Variants in SPIN1 observed in about 807,000 individuals in gnomAD.
SPIN1 encodes the protein spindlin 1, also known as spindlin-1.
A neutral mutation model predicts 26.0 loss-of-function variants in SPIN1; 3 were observed. The ratio of observed to expected loss-of-function variants is 0.12; its 90% CI spans 0.05 to 0.30. The LOEUF (loss-of-function observed/expected upper bound fraction) is 0.30. Among genes scored for constraint, SPIN1 ranks in the 10% least tolerant of loss-of-function variants. SPIN1 has a pLI of 1.00. For synonymous variants in SPIN1, 101 were observed against 116.5 expected (o/e 0.87, Z 0.86); for missense variants, 126 against 333.4 (o/e 0.38, Z 4.84).
chr9:88,469,805 A>G (rs534755962), intron 5 of SPIN1, among the ~76,000 whole-genome samples: 6 of 152,156 alleles, frequency 3.9e-5, no homozygotes, highest in South Asian at 4.1e-4. Context: ...AAGTGTTAGG[A>G]TTACAGGTGT....
At chr9:88,443,934 A>G (rs1828190903) in intron 2 of SPIN1, among the ~76,000 whole-genome samples, 1 of 119,294 alleles carries the variant, frequency 8.4e-6, no homozygotes, top group East Asian at 2.0e-4. Flanking sequence ...AGACCTGCCC[A>G]TGCTGACTAG....
intron 1 of SPIN1, among the ~76,000 whole-genome samples, chr9:88,401,507 C>G (rs1204498409): frequency 6.6e-6 from 1 of 152,138 alleles, no homozygotes; most frequent in African/African-American, 2.4e-5. Context: ...GTAGTATTTG[C>G]ATATAATCTA....
chr9:88,405,703 A>G (rs1020090920), intron 1 of SPIN1, among the ~76,000 whole-genome samples: 6 of 151,730 alleles, frequency 4.0e-5, no homozygotes, highest in African/African-American at 1.5e-4. Flanking sequence ...GCCACTGCCC[A>G]GCCTGTACTA....
intron 3 of SPIN1, among the ~76,000 whole-genome samples, chr9:88,456,486 A>G (rs756199224): frequency 2.0e-5 from 3 of 152,182 alleles, no homozygotes; most frequent in Admixed American, 6.5e-5. Flanking sequence ...ACAGTTACCA[A>G]ATATTAAAAG....
At chr9:88,420,944 G>A (rs1038472398) in intron 1 of SPIN1, among the ~76,000 whole-genome samples, 3 of 152,140 alleles carry the variant, frequency 2.0e-5, no homozygotes, top group Admixed American at 6.5e-5. Flanking sequence ...GTCTGTACAC[G>A]TAGCCTCTGC....
At chr9:88,468,645 A>G in intron 5 of SPIN1, 40 bp downstream of exon 5, 2 of 1,278,050 alleles carry the variant, frequency 1.6e-6, no homozygotes, top group Non-Finnish European at 2.1e-6. Context: ...GATAATTAGA[A>G]GGGATTTGGA....
intron 5 of SPIN1, among the ~76,000 whole-genome samples, chr9:88,472,931 A>G (rs929631870): frequency 1.3e-5 from 2 of 152,208 alleles, no homozygotes; most frequent in South Asian, 2.1e-4. Context: ...CTTCAAACAC[A>G]TGAATCTCTG....
chr9:88,422,160 C>T (rs1564028337), intron 1 of SPIN1, among the ~76,000 whole-genome samples: 1 of 152,164 alleles, frequency 6.6e-6, no homozygotes, highest in Non-Finnish European at 1.5e-5. Flanking sequence ...AGCAACCTTT[C>T]TCTTGATAGT....
At chr9:88,459,431 CTT>C (rs1003715223) in intron 3 of SPIN1, among the ~76,000 whole-genome samples, 2 of 152,022 alleles carry the variant, frequency 1.3e-5, no homozygotes, top group Non-Finnish European at 2.9e-5. Flanking sequence ...AAGTTACAGA[CTT>C]TTTGTTTATT....
chr9:88,475,447 A>G lies in SPIN1; in HGVS notation c.*170A>G, dbSNP rs534096125. ...AATAGTACAGATTGATGTGAACACAAAGCATTTTGTGTAAGGAGAACCCCT... is the reference window on the plus strand; with the variant it reads ...AATAGTACAGATTGATGTGAACACAGAGCATTTTGTGTAAGGAGAACCCCT... On this transcript the variant is annotated 3_prime_UTR_variant, in exon 6 of 6. Transcript: ENST00000375859. 9.3e-4 allele frequency: 522 copies of G among 561,274 alleles called. No individual in the cohort carries two copies. Among genetic ancestry groups the G allele is most frequent in the Admixed American group, 1.3e-3 (35 of 27,110 alleles). 34.8% of individuals were successfully genotyped at this position (561,274 alleles called of 1,614,324 possible).
intron 1 of SPIN1, among the ~76,000 whole-genome samples, chr9:88,407,214 T>C (rs1332477169): frequency 6.6e-6 from 1 of 151,136 alleles, no homozygotes; most frequent in Non-Finnish European, 1.5e-5. Context: ...CTTGGCTCAC[T>C]GCAACCCCTG....
At chr9:88,427,744 G>A (rs994666538) in intron 2 of SPIN1, among the ~76,000 whole-genome samples, 7 of 152,070 alleles carry the variant, frequency 4.6e-5, no homozygotes, top group African/African-American at 1.4e-4. Flanking sequence ...TTACAGGCAT[G>A]AGCCACCCTG....
At chr9:88,471,893 C>T (rs887480973) in intron 5 of SPIN1, among the ~76,000 whole-genome samples, 2 of 151,828 alleles carry the variant, frequency 1.3e-5, no homozygotes, top group African/African-American at 2.4e-5. Context: ...TATAGTGGCA[C>T]GATCTCGGCT....
At chr9:88,409,095 A>G (rs1827380402) in intron 1 of SPIN1, among the ~76,000 whole-genome samples, 1 of 151,432 alleles carries the variant, frequency 6.6e-6, no homozygotes, top group Non-Finnish European at 1.5e-5. Context: ...TCCTGGGTTC[A>G]AGAGATTCTC....
rs1554698801 is a variant in SPIN1, at chr9:88,475,035, T to TC, written c.590-43_590-42insC. On this transcript the variant is annotated intron_variant, in intron 5 of 5. Transcript: ENST00000375859. ...ATATCTAAAAATTGACTTAGAAATT[T>TC]TCTCTCTCTCTCTTTTTTTTTTTTT... is the stretch of plus-strand genomic sequence containing the variant. The TC allele has an allele frequency of 2.2e-6, 3 of 1,341,884 alleles. No homozygotes were observed. In the South Asian group the frequency reaches 5.0e-5, roughly 22 times the overall value. 83.1% of individuals were successfully genotyped at this position (1,341,884 alleles called of 1,614,324 possible).
rs1405747603 is a variant in SPIN1, at chr9:88,478,491, A to G, written c.*3214A>G. The G allele has an allele frequency of 6.6e-6, 1 of 152,648 alleles. No individual in the cohort carries two copies. The highest frequency in any genetic ancestry group is 2.4e-5 in the African/African-American group (1 of 41,464). The allele number at this position is 152,648 out of a possible 1,614,324, so 9.5% of individuals were successfully genotyped here. ...TCAGAGGTCTTCGTGTTCACATTTT[A>G]AAATTAGGTAAATGACCTCATCTTT... is the stretch of plus-strand genomic sequence containing the variant. On this transcript the variant is annotated 3_prime_UTR_variant, in exon 6 of 6. Transcript: ENST00000375859.
At chr9:88,414,732 T>G (rs576593977) in intron 1 of SPIN1, among the ~76,000 whole-genome samples, 80 of 152,296 alleles carry the variant, frequency 5.3e-4, no homozygotes, top group Non-Finnish European at 9.6e-4. Flanking sequence ...ATACTGTGGT[T>G]TGTTGCACGC....
At chr9:88,388,933 C>T (rs979751650) in intron 1 of SPIN1, among the ~76,000 whole-genome samples, 1 of 138,334 alleles carries the variant, frequency 7.2e-6, no homozygotes, top group African/African-American at 2.6e-5. Flanking sequence ...CAGTCGGGCG[C>T]GGGGAGGGGG....
intron 1 of SPIN1, among the ~76,000 whole-genome samples, chr9:88,393,445 GTTTTTTTTTTTTTTTTTT>G (rs57244433): frequency 1.0e-4 from 9 of 88,438 alleles, no homozygotes; most frequent in Non-Finnish European, 6.2e-5. Context: ...TTGCTTTTGG[GTTTTTTTTTTTTTTTTTT>G]TTTTTTTTTT....
Sources: allele counts gnomAD v4.1 joint callset (sites outside exome capture counted in the v4.1 genomes callset), GRCh38; gene constraint gnomAD v4.1.1; transcripts MANE v1.5; gene names NCBI Gene and HGNC (gene_info 2026-07-23, HGNC 2026-07-21).